ZNF475: variants seen among roughly 807,000 people sequenced by gnomAD.
ZNF475 encodes zinc finger protein 475.
chr5:122,180,226 T>C, the ZNF475 span, among the ~76,000 whole-genome samples: 2 of 152,186 alleles, frequency 1.3e-5, no homozygotes, highest in Non-Finnish European at 2.9e-5. Context: ...GGTCCATGTG[T>C]GCACCAAAGG....
chr5:122,178,784 G>T, the ZNF475 span, among the ~76,000 whole-genome samples: 1 of 152,036 alleles, frequency 6.6e-6, no homozygotes, highest in African/African-American at 2.4e-5. Flanking sequence ...CATTGCTTTT[G>T]GTGTTTTAGT....
the ZNF475 span, among the ~76,000 whole-genome samples, chr5:122,173,924 A>G: frequency 6.6e-6 from 1 of 152,230 alleles, no homozygotes; most frequent in African/African-American, 2.4e-5. Flanking sequence ...GTTACAGGGA[A>G]AACTGTTGAT....
the ZNF475 span, among the ~76,000 whole-genome samples, chr5:122,174,009 G>A: frequency 3.3e-5 from 5 of 152,188 alleles, no homozygotes; most frequent in Non-Finnish European, 7.3e-5. Context: ...CTTTCCTGGA[G>A]TTGGCTGGTC....
chr5:122,164,987 A>T, the ZNF475 span, among the ~76,000 whole-genome samples: 1 of 152,202 alleles, frequency 6.6e-6, no homozygotes, highest in Non-Finnish European at 1.5e-5. Context: ...AAGGGGCAAA[A>T]AGAAAAGAAA....
At chr5:122,168,950 C>A in the ZNF475 span, among the ~76,000 whole-genome samples, 1 of 152,152 alleles carries the variant, frequency 6.6e-6, no homozygotes, top group South Asian at 2.1e-4. Context: ...AGGATGAAGT[C>A]TGGGATCTGG....
chr5:122,182,615 A>C, the ZNF475 span: 1 of 1,535,364 alleles, frequency 6.5e-7, no homozygotes, highest in Non-Finnish European at 8.7e-7. Context: ...TTCACCAACG[A>C]TCTTGTAAAC....
the ZNF475 span, among the ~76,000 whole-genome samples, chr5:122,165,504 A>G: frequency 1.6e-4 from 24 of 152,310 alleles, no homozygotes; most frequent in African/African-American, 5.5e-4. Context: ...GTGTTATTAC[A>G]GATTAATGAT....
the ZNF475 span, among the ~76,000 whole-genome samples, chr5:122,181,265 C>G: frequency 6.6e-6 from 1 of 152,300 alleles, no homozygotes; most frequent in African/African-American, 2.4e-5. Context: ...CAAATAACCC[C>G]TCTTCCTGAT....
chr5:122,179,572 C>T, the ZNF475 span: 33 of 1,518,130 alleles, frequency 2.2e-5, no homozygotes, highest in Admixed American at 6.7e-4. Context: ...CGGCGTCCAC[C>T]AGCAGTTGTT....
chr5:122,181,694 G>T, the ZNF475 span, among the ~76,000 whole-genome samples: 15 of 152,122 alleles, frequency 9.9e-5, no homozygotes, highest in African/African-American at 3.6e-4. Context: ...GTTACATTTT[G>T]GGGGCCTATT....
the ZNF475 span, among the ~76,000 whole-genome samples, chr5:122,176,534 G>A: frequency 6.6e-6 from 1 of 152,068 alleles, no homozygotes; most frequent in Non-Finnish European, 1.5e-5. Flanking sequence ...ACAGGCCCTG[G>A]GTTCCTAAAA....
At chr5:122,163,451 G>C in the ZNF475 span, 18 of 152,110 alleles carry the variant, frequency 1.2e-4, no homozygotes, top group African/African-American at 4.1e-4. Flanking sequence ...TGGAGGGAGG[G>C]GAACGCTCAC....
At chr5:122,168,241 A>G in the ZNF475 span, among the ~76,000 whole-genome samples, 1 of 152,086 alleles carries the variant, frequency 6.6e-6, no homozygotes, top group Non-Finnish European at 1.5e-5. Flanking sequence ...ATGAGGTTTC[A>G]TCATGTTGGC....
At chr5:122,166,012 T>A in the ZNF475 span, among the ~76,000 whole-genome samples, 1 of 152,230 alleles carries the variant, frequency 6.6e-6, no homozygotes, top group African/African-American at 2.4e-5. Flanking sequence ...AATGTGTGAA[T>A]GCAGGAGGCT....
the ZNF475 span, among the ~76,000 whole-genome samples, chr5:122,173,425 T>C: frequency 6.6e-6 from 1 of 152,204 alleles, no homozygotes; most frequent in Non-Finnish European, 1.5e-5. Flanking sequence ...CTTTCTCCCC[T>C]GCTTCAATAG....
At chr5:122,179,144 G>A in the ZNF475 span, among the ~76,000 whole-genome samples, 1 of 152,134 alleles carries the variant, frequency 6.6e-6, no homozygotes, top group Non-Finnish European at 1.5e-5. Flanking sequence ...CTGTAGTCTT[G>A]TAGTATAGTT....
At chr5:122,177,958 T>C in the ZNF475 span, among the ~76,000 whole-genome samples, 1 of 152,090 alleles carries the variant, frequency 6.6e-6, no homozygotes, top group African/African-American at 2.4e-5. Flanking sequence ...TGTCTTCTCA[T>C]TGTTCAGATC....
chr5:122,178,652 T>A, the ZNF475 span, among the ~76,000 whole-genome samples: 1 of 152,138 alleles, frequency 6.6e-6, no homozygotes, highest in African/African-American at 2.4e-5. Flanking sequence ...GTCAGATGAG[T>A]AGGTTGAGAA....
the ZNF475 span, among the ~76,000 whole-genome samples, chr5:122,168,820 A>G: frequency 6.6e-6 from 1 of 152,304 alleles, no homozygotes; most frequent in Admixed American, 6.5e-5. Flanking sequence ...ACAATCCCCA[A>G]AATTGCCCTC....
Sources: allele counts gnomAD v4.1 joint callset (sites outside exome capture counted in the v4.1 genomes callset), GRCh38; gene constraint gnomAD v4.1.1; transcripts MANE v1.5; gene names NCBI Gene and HGNC (gene_info 2026-07-23, HGNC 2026-07-21).